The following PTPRN2 variants were observed in gnomAD, a reference collection of about 807,000 sequenced individuals.
PTPRN2 encodes the protein protein tyrosine phosphatase receptor type N2, also known as receptor-type tyrosine-protein phosphatase N2.
A neutral mutation model predicts 118.8 loss-of-function variants in PTPRN2; 74 were observed. The observed-to-expected ratio is 0.62, with a 90% CI of 0.52 to 0.76. The LOEUF is 0.76. Ranked by LOEUF, PTPRN2 falls within the 30% of genes least tolerant of loss-of-function variation. The pLI is 0.00. For missense variants in PTPRN2, 1,481 were observed against 1,394.4 expected (o/e 1.06, Z -0.99); for synonymous variants, 641 against 608.0 (o/e 1.05, Z -0.80).
At chr7:158,425,062 C>T (rs1246223604) in intron 2 of PTPRN2, among the ~76,000 whole-genome samples, 2 of 152,212 alleles carry the variant, frequency 1.3e-5, no homozygotes, top group Non-Finnish European at 2.9e-5. Flanking sequence ...TTCATGTGGC[C>T]ATCACTTGAG....
At position 158,111,616 on chromosome 7, in the gene PTPRN2, C is replaced by T. The variant is rs115727777; in HGVS notation, c.1557-701G>A. On this transcript the variant is annotated intron_variant, in intron 9 of 22. Transcript: ENST00000389418. ...AATATTATGTAAAAGCATGTTGTAC[C>T]GCAAAGGCTTTCACCCCAGCAGACC... is the stretch of plus-strand genomic sequence containing the variant. Among the ~76,000 whole-genome samples the T allele has an allele frequency of 7.5e-3, 1,146 of 152,222 alleles. 13 individuals are homozygous for T. Among genetic ancestry groups the T allele is most frequent in the Middle Eastern group, 0.024 (7 of 294 alleles).
intron 2 of PTPRN2, among the ~76,000 whole-genome samples, chr7:158,341,776 TGCAGA>T (rs1563178586): frequency 7.2e-5 from 9 of 125,358 alleles, no homozygotes; most frequent in East Asian, 2.5e-4. Context: ...AGCTGACACC[TGCAGA>T]CGTCACTCAC....
intron 12 of PTPRN2, among the ~76,000 whole-genome samples, chr7:157,877,022 C>A (rs1397130183): frequency 1.3e-5 from 2 of 152,294 alleles, no homozygotes; most frequent in East Asian, 3.9e-4. Context: ...GAGTGTGGCA[C>A]CAGGGTTTCC....
chr7:157,827,863 C>G (rs1807292235), intron 12 of PTPRN2, among the ~76,000 whole-genome samples: 1 of 152,208 alleles, frequency 6.6e-6, no homozygotes, highest in African/African-American at 2.4e-5. Flanking sequence ...GTCTCAGTGC[C>G]TTCCTCGGGC....
chr7:158,478,412 C>A (rs1820423449), intron 2 of PTPRN2, among the ~76,000 whole-genome samples: 1 of 152,168 alleles, frequency 6.6e-6, no homozygotes, highest in Non-Finnish European at 1.5e-5. Context: ...ATGGACGCCA[C>A]TGGGGAAGAG....
chr7:157,544,531 C>T (rs1012650017), intron 22 of PTPRN2, among the ~76,000 whole-genome samples: 5 of 152,096 alleles, frequency 3.3e-5, no homozygotes, highest in Non-Finnish European at 7.4e-5. Flanking sequence ...TGCGAGGGGC[C>T]TCCCGTCCAG....
intron 11 of PTPRN2, among the ~76,000 whole-genome samples, chr7:158,048,738 C>G (rs570680421): frequency 6.6e-6 from 1 of 152,260 alleles, no homozygotes; most frequent in East Asian, 1.9e-4. Flanking sequence ...CCATCACCAT[C>G]ATCACTATCA....
chr7:158,091,271 C>T (rs980088141), intron 10 of PTPRN2, among the ~76,000 whole-genome samples: 1 of 152,180 alleles, frequency 6.6e-6, no homozygotes, highest in Non-Finnish European at 1.5e-5. Flanking sequence ...GCCTCAGGTA[C>T]TAGATTCCCT....
intron 20 of PTPRN2, among the ~76,000 whole-genome samples, chr7:157,569,341 T>G (rs927601906): frequency 1.3e-5 from 2 of 152,228 alleles, no homozygotes; most frequent in African/African-American, 4.8e-5. Context: ...CAAGGTGCCT[T>G]CTCTAGTGTT....
chr7:158,040,300 C>G (rs1015212737), intron 11 of PTPRN2, among the ~76,000 whole-genome samples: 1 of 152,096 alleles, frequency 6.6e-6, no homozygotes, highest in Non-Finnish European at 1.5e-5. Flanking sequence ...ACAACACACA[C>G]AAATTCACAC....
chr7:157,578,353 C>G (rs1800168366), intron 17 of PTPRN2, among the ~76,000 whole-genome samples: 1 of 152,210 alleles, frequency 6.6e-6, no homozygotes, highest in South Asian at 2.1e-4. Flanking sequence ...AAAAACCCCG[C>G]AAATTTATCC....
At position 157,578,054 on chromosome 7, in the gene PTPRN2, C is replaced by A; in HGVS notation, c.2583G>T (p.Pro861=). 6.2e-7 allele frequency: 1 copy of A among 1,612,996 alleles called. No homozygotes were observed. The highest frequency in any genetic ancestry group is 8.5e-7 in the Non-Finnish European group (1 of 1,179,218). ...NGVRQCYHYW[P]DEGSNLYHIY... Reference sequence around the variant, plus strand: ...TGTGGTAGAGATTGGAGCCTTCATCCGGCCAGTAGTGGTAGCACTGCCGGA... The same window carrying A: ...TGTGGTAGAGATTGGAGCCTTCATCAGGCCAGTAGTGGTAGCACTGCCGGA... The change falls in exon 18 of 23, where the codon CCG becomes CCT. Residue 861 remains proline (P), a synonymous_variant. Coordinates refer to ENST00000389418, the MANE Select transcript of PTPRN2 (RefSeq NM_002847.5).
At chr7:158,001,210 G>A (rs1308355212) in intron 11 of PTPRN2, among the ~76,000 whole-genome samples, 2 of 151,028 alleles carry the variant, frequency 1.3e-5, no homozygotes, top group Non-Finnish European at 3.0e-5. Flanking sequence ...CCGCAGGCGG[G>A]GTGAAGGGTG....
At chr7:157,841,837 C>G (rs1808444521) in intron 12 of PTPRN2, among the ~76,000 whole-genome samples, 1 of 152,184 alleles carries the variant, frequency 6.6e-6, no homozygotes, top group Non-Finnish European at 1.5e-5. Context: ...GGAGAACACC[C>G]TGGATTCTGC....
intron 12 of PTPRN2, among the ~76,000 whole-genome samples, chr7:157,887,712 A>G (rs1344103904): frequency 3.2e-4 from 1 of 3,164 alleles, no homozygotes; most frequent in Admixed American, 4.4e-3. Context: ...TCCATTACCT[A>G]CTCCCCCCAG....
intron 11 of PTPRN2, among the ~76,000 whole-genome samples, chr7:158,071,415 CTGGTGGTGGAGGTGCTCGTGG>C (rs1429338994): frequency 8.7e-5 from 1 of 11,510 alleles, no homozygotes; most frequent in Non-Finnish European, 1.7e-4. Flanking sequence ...GGAGTTGCTC[CTGGTGGTGGAGGTGCTCGTGG>C]TGGTGGAGGT....
chr7:158,299,768 C>T (rs1800752318), intron 3 of PTPRN2, among the ~76,000 whole-genome samples: 1 of 152,210 alleles, frequency 6.6e-6, no homozygotes, highest in Non-Finnish European at 1.5e-5. Context: ...CCTCACCTCC[C>T]TCAGGAAGTG....
rs1801748842 is a variant in PTPRN2, at chr7:157,964,258, A to AG, written c.1724-65522dup. Among the ~76,000 whole-genome samples, 1 of 152,118 alleles carries AG rather than the reference A, an allele frequency of 6.6e-6. No individual in the cohort carries two copies. Among genetic ancestry groups the AG allele is most frequent in the African/African-American group, 2.4e-5 (1 of 41,430 alleles). On this transcript the variant is annotated intron_variant, in intron 11 of 22. Transcript: ENST00000389418. The surrounding 1 kb of genome is among the most constrained non-coding windows in gnomAD (Gnocchi z 9.0). ...ACACACCCACGTCTACAGAAACACT[A>AG]GGCCAGACTGGGGTCCGCCCCACAC...
At chr7:158,224,428 T>C (rs1828600514) in intron 3 of PTPRN2, among the ~76,000 whole-genome samples, 2 of 152,064 alleles carry the variant, frequency 1.3e-5, no homozygotes, top group Non-Finnish European at 2.9e-5. Context: ...AACCCAGAAA[T>C]AGATCCATAA....
Sources: allele counts gnomAD v4.1 joint callset (sites outside exome capture counted in the v4.1 genomes callset), GRCh38; gene constraint gnomAD v4.1.1; non-coding constraint Gnocchi (gnomAD v3.1); transcripts MANE v1.5; gene names NCBI Gene and HGNC (gene_info 2026-07-23, HGNC 2026-07-21).